VSTM4: variants seen among roughly 807,000 people sequenced by gnomAD.
The protein encoded by VSTM4 is V-set and transmembrane domain containing 4, also known as V-set and transmembrane domain-containing protein 4.
In VSTM4, 20 loss-of-function variants were observed where a neutral mutation model predicts 36.4. The observed-to-expected ratio is 0.55, with a 90% CI of 0.39 to 0.80. VSTM4 has a LOEUF of 0.80. Ranked by LOEUF, VSTM4 falls within the 30% of genes least tolerant of loss-of-function variation. VSTM4 has a pLI of 0.00. For missense variants in VSTM4, 392 were observed against 404.5 expected (o/e 0.97, Z 0.26); for synonymous variants, 182 against 173.9 (o/e 1.05, Z -0.37).
chr10:49,033,950 C>G (rs1843385945), intron 7 of VSTM4, among the ~76,000 whole-genome samples: 1 of 147,056 alleles, frequency 6.8e-6, no homozygotes, highest in South Asian at 2.5e-4. Context: ...ATCATTATCA[C>G]CATTACCATT....
At position 49,018,345 on chromosome 10, in the gene VSTM4, T is replaced by A. The variant is rs1479274437; in HGVS notation, c.*1305A>T. On this transcript the variant is annotated 3_prime_UTR_variant, in exon 8 of 8. Coordinates refer to ENST00000332853, the MANE Select transcript of VSTM4 (RefSeq NM_001031746.5). ...TACCCTCAAGAATTCTATGGGAAGTTAAGTCGTCTTTACACAAACATGGAG... is the reference window on the plus strand; with the variant it reads ...TACCCTCAAGAATTCTATGGGAAGTAAAGTCGTCTTTACACAAACATGGAG... 1 of 152,192 alleles carries A rather than the reference T, an allele frequency of 6.6e-6. No individual in the cohort carries two copies. The highest frequency in any genetic ancestry group is 1.9e-4 in the East Asian group (1 of 5,194). 9.4% of individuals were successfully genotyped at this position (152,192 alleles called of 1,614,324 possible).
intron 2 of VSTM4, among the ~76,000 whole-genome samples, chr10:49,097,750 C>T (rs1261605808): frequency 1.3e-5 from 2 of 152,204 alleles, no homozygotes; most frequent in East Asian, 3.8e-4. Context: ...TTACATGAGA[C>T]ATTTTGGCCC....
intron 3 of VSTM4, among the ~76,000 whole-genome samples, chr10:49,077,694 G>A (rs954237675): frequency 1.3e-5 from 2 of 152,030 alleles, no homozygotes; most frequent in African/African-American, 2.4e-5. Flanking sequence ...AATGTAAAAT[G>A]TAAGCTAGAA....
At chr10:49,029,245 G>A (rs1319823170) in intron 7 of VSTM4, among the ~76,000 whole-genome samples, 1 of 152,124 alleles carries the variant, frequency 6.6e-6, no homozygotes, top group Non-Finnish European at 1.5e-5. Context: ...GGTGCTGATT[G>A]GCAAATTTAT....
At chr10:49,111,612 C>A (rs1844895156) in intron 1 of VSTM4, among the ~76,000 whole-genome samples, 1 of 152,194 alleles carries the variant, frequency 6.6e-6, no homozygotes, top group South Asian at 2.1e-4. Context: ...TGTTTTGTGA[C>A]CCTGTGTTGC....
chr10:49,065,005 G>A (rs1379764925), intron 4 of VSTM4, among the ~76,000 whole-genome samples: 1 of 152,198 alleles, frequency 6.6e-6, no homozygotes, highest in African/African-American at 2.4e-5. Context: ...TTGGGCCAAG[G>A]CAGGTTAAGT....
chr10:49,037,949 A>G (rs1328937952), intron 7 of VSTM4, among the ~76,000 whole-genome samples: 1 of 152,128 alleles, frequency 6.6e-6, no homozygotes, highest in Non-Finnish European at 1.5e-5. Flanking sequence ...AGAAAAAAAA[A>G]AGGAAACCAA....
chr10:49,103,964 C>T (rs1004596217), intron 2 of VSTM4: 2 of 928,868 alleles, frequency 2.2e-6, no homozygotes, highest in African/African-American at 3.3e-5. Flanking sequence ...GATATTCTAA[C>T]CCAAAGGTAC....
intron 2 of VSTM4, among the ~76,000 whole-genome samples, chr10:49,101,175 T>C (rs1844659119): frequency 6.6e-6 from 1 of 152,008 alleles, no homozygotes; most frequent in Admixed American, 6.6e-5. Flanking sequence ...TGAATGTAAA[T>C]TACATTTCAA....
chr10:49,034,517 C>T (rs1843398244), intron 7 of VSTM4, among the ~76,000 whole-genome samples: 1 of 152,078 alleles, frequency 6.6e-6, no homozygotes, highest in African/African-American at 2.4e-5. Context: ...ATCACATGTG[C>T]TCGTTGGAAA....
At chr10:49,039,618 AAGG>A (rs1486601187) in intron 7 of VSTM4, among the ~76,000 whole-genome samples, 2 of 151,914 alleles carry the variant, frequency 1.3e-5, no homozygotes. Context: ...CATTATGGAG[AAGG>A]AGGACTTGCA....
chr10:49,068,004 A>C (rs1276605455), intron 4 of VSTM4, among the ~76,000 whole-genome samples: 1 of 152,230 alleles, frequency 6.6e-6, no homozygotes. Context: ...GGTAAATGCT[A>C]TGTAAACCAT....
At chr10:49,030,151 C>T (rs922721071) in intron 7 of VSTM4, among the ~76,000 whole-genome samples, 3 of 152,298 alleles carry the variant, frequency 2.0e-5, no homozygotes, top group Admixed American at 6.5e-5. Context: ...CTACTGAAGA[C>T]GTCCAGGGGC....
At chr10:49,044,458 GAA>G (rs1257609569) in intron 7 of VSTM4, among the ~76,000 whole-genome samples, 1 of 125,014 alleles carries the variant, frequency 8.0e-6, no homozygotes, top group African/African-American at 3.0e-5. Flanking sequence ...GAGAAAGAAA[GAA>G]AGAAAAAGAA....
chr10:49,107,834 C>G lies in VSTM4; in HGVS notation c.217G>C (p.Ala73Pro). ...AGCTTGGTCATCTTCACCATCAAGG[C>G]CTCCTGGGAGTCGAAGGAGTGTGCA... Reference protein sequence around the residue: ...FFAHSFDSQEALMVKMTKLRV... With the variant: ...FFAHSFDSQEPLMVKMTKLRV... Residue 73 changes from alanine (A) to proline (P), a missense_variant, in exon 2 of 8, where the codon GCC becomes CCC. By Grantham distance (27) the Ala-to-Pro change is conservative. Coordinates refer to ENST00000332853, the MANE Select transcript of VSTM4 (RefSeq NM_001031746.5). 6.2e-7 allele frequency: 1 copy of G among 1,614,244 alleles called. No homozygotes were observed. The highest frequency in any genetic ancestry group is 8.5e-7 in the Non-Finnish European group (1 of 1,180,044).
intron 2 of VSTM4, chr10:49,102,568 C>T: frequency 1.0e-6 from 1 of 985,454 alleles, no homozygotes; most frequent in Non-Finnish European, 1.2e-6. Context: ...GGAGAGCACT[C>T]CATGGGCTGG....
At chr10:49,095,177 A>G (rs181174553) in intron 2 of VSTM4, among the ~76,000 whole-genome samples, 100 of 152,298 alleles carry the variant, frequency 6.6e-4, no homozygotes, top group African/African-American at 2.0e-3. Flanking sequence ...TATGTCCCCA[A>G]TGAGAAGCTA....
intron 5 of VSTM4, among the ~76,000 whole-genome samples, chr10:49,053,311 G>A (rs947519718): frequency 3.9e-5 from 6 of 152,156 alleles, no homozygotes; most frequent in East Asian, 3.9e-4. Context: ...ACCAGGTTCC[G>A]GCCTGGCCAC....
At chr10:49,046,470 G>A (rs560606222) in intron 7 of VSTM4, among the ~76,000 whole-genome samples, 25 of 152,234 alleles carry the variant, frequency 1.6e-4, no homozygotes, top group Admixed American at 2.6e-4. Context: ...CCGAAGTGTA[G>A]TTAATAGCAA....
Sources: allele counts gnomAD v4.1 joint callset (sites outside exome capture counted in the v4.1 genomes callset), GRCh38; gene constraint gnomAD v4.1.1; transcripts MANE v1.5; gene names NCBI Gene and HGNC (gene_info 2026-07-23, HGNC 2026-07-21).